The following BTG1 variants were observed in gnomAD, a reference collection of about 807,000 sequenced individuals.
BTG1 encodes BTG anti-proliferation factor 1.
In BTG1, 2 loss-of-function variants were observed where a neutral mutation model predicts 15.2. The observed-to-expected ratio is 0.13, with a 90% confidence interval of 0.05 to 0.41. The LOEUF is 0.41. BTG1 is among the 10% of genes least tolerant of loss of function. The pLI, the probability that BTG1 is intolerant of heterozygous loss-of-function variation, is 0.99. For synonymous variants in BTG1, 109 were observed against 82.4 expected, an observed-to-expected ratio of 1.32 and a Z score of -1.75; for missense variants, 149 against 215.0, an observed-to-expected ratio of 0.69 and a Z score of 1.92.
In BTG1 at chr12:92,141,377, T is replaced by C. The variant is rs1489833793; in HGVS notation, c.*2703A>G. ...TATCCTGCATGAACCAGGGTAACTC[T>C]TGCTATACAATCCACTTGAAGCCTT... On this transcript the variant is annotated 3_prime_UTR_variant, in exon 2 of 2. Coordinates refer to ENST00000256015, the MANE Select transcript of BTG1 (RefSeq NM_001731.3). 4.3e-6 allele frequency: 1 copy of C among 232,330 alleles called. No individual in the cohort carries two copies. The highest frequency in any genetic ancestry group is 8.5e-6 in the Non-Finnish European group (1 of 117,498). The allele number at this position is 232,330 out of a possible 1,614,324, so 14.4% of individuals were successfully genotyped here. A position where few individuals can be genotyped will look rare whatever the true frequency, so the allele number is the denominator to read the frequency against.
At position 92,145,771 on chromosome 12, in the gene BTG1, CCTCCCCAGCTGCCTCCGCCTCCAG is replaced by C. The variant is rs1258363479; in HGVS notation, c.-260_-237del. ...TGGCGGCCTGGTCACATCGCTCGGA[CCTCCCCAGCTGCCTCCGCCTCCAG>C]CTCCGCAGCATTCGAAGATCTCAAT... On this transcript the variant is annotated 5_prime_UTR_variant, in exon 1 of 2. Transcript: ENST00000256015. 2 of 286,798 alleles carry C rather than the reference CCTCCCCAGCTGCCTCCGCCTCCAG, an allele frequency of 7.0e-6. No individual in the cohort carries two copies. Among genetic ancestry groups the C allele is most frequent in the Non-Finnish European group, 1.3e-5 (2 of 155,206 alleles). 17.8% of individuals were successfully genotyped at this position (286,798 alleles called of 1,614,324 possible).
Position 92,140,515 on chromosome 12 carries a change from T to TC in BTG1, c.*3564dup, listed in dbSNP as rs1350376386. Reference sequence around the variant, plus strand: ...TCTATAGGGATAAAGAAAATAAAGATCTATAGGCATAACCAGAAATCAGAT... The same window carrying TC: ...TCTATAGGGATAAAGAAAATAAAGATCCTATAGGCATAACCAGAAATCAGAT... On this transcript the variant is annotated 3_prime_UTR_variant, in exon 2 of 2. Coordinates refer to ENST00000256015, the MANE Select transcript of BTG1 (RefSeq NM_001731.3). The TC allele has an allele frequency of 4.3e-6, 1 of 230,382 alleles. No individual in the cohort carries two copies. 14.3% of individuals were successfully genotyped at this position (230,382 alleles called of 1,614,324 possible). A position where few individuals can be genotyped will look rare whatever the true frequency, so the allele number is the denominator to read the frequency against.
chr12:92,142,983 A>C lies in BTG1; in HGVS notation c.*1097T>G, dbSNP rs77126965. 1.2e-3 allele frequency: 277 copies of C among 233,028 alleles called. 4 individuals are homozygous for C. Among genetic ancestry groups the C allele is most frequent in the African/African-American group, 5.5e-3 (248 of 45,450 alleles). 14.4% of individuals were successfully genotyped at this position (233,028 alleles called of 1,614,324 possible). The stretch of plus-strand genomic sequence containing the variant: ...CTCCTGTGTTTCCTGTAAAACCTAA[A>C]CATGTATATACAGAGCATCTTCATT... On this transcript the variant is annotated 3_prime_UTR_variant, in exon 2 of 2. Coordinates refer to ENST00000256015, the MANE Select transcript of BTG1 (RefSeq NM_001731.3).
chr12:92,145,666 C>G lies in BTG1; in HGVS notation c.-131G>C. 3 of 529,864 alleles carry G rather than the reference C, an allele frequency of 5.7e-6. No homozygotes were observed. The highest frequency in any genetic ancestry group is 8.7e-6 in the Non-Finnish European group (3 of 342,866). The allele number at this position is 529,864 out of a possible 1,614,324, so 32.8% of individuals were successfully genotyped here. ...AAGAGAGGGCGTGAGGGGCGGACGA[C>G]TACTTTTGTCTTTCTTTCTTTAGAC... On this transcript the variant is annotated 5_prime_UTR_variant, in exon 1 of 2. An upstream open reading frame in the 5' UTR loses its in-frame stop. Coordinates refer to ENST00000256015, the MANE Select transcript of BTG1 (RefSeq NM_001731.3).
At chr12:92,145,182 G>A in intron 1 of BTG1, 2 of 669,594 alleles carry the variant, frequency 3.0e-6, no homozygotes, top group Non-Finnish European at 4.3e-6. Context: ...TTGCCAGCTG[G>A]GGGGAAGGGG....
chr12:92,143,870 A>T lies in BTG1; in HGVS notation c.*210T>A. 1.8e-6 allele frequency: 1 copy of T among 550,640 alleles called. No homozygotes were observed. The highest frequency in any genetic ancestry group is 3.1e-6 in the Non-Finnish European group (1 of 325,856). The allele number at this position is 550,640 out of a possible 1,614,324, so 34.1% of individuals were successfully genotyped here. A position where few individuals can be genotyped will look rare whatever the true frequency, so the allele number is the denominator to read the frequency against. On this transcript the variant is annotated 3_prime_UTR_variant, in exon 2 of 2. Transcript: ENST00000256015. Reference sequence around the variant, plus strand: ...ATAAAGTGATCATTTACTTGGACTCACAGGCTATTAAAATTAATCATTGAA... The same window carrying T: ...ATAAAGTGATCATTTACTTGGACTCTCAGGCTATTAAAATTAATCATTGAA...
At chr12:92,145,142 T>G in intron 1 of BTG1, 1 of 417,422 alleles carries the variant, frequency 2.4e-6, no homozygotes. Context: ...TAAGTTTCTT[T>G]GTTGTGCGTG....
In BTG1 at chr12:92,142,631, G is replaced by A. The variant is rs570546936; in HGVS notation, c.*1449C>T. On this transcript the variant is annotated 3_prime_UTR_variant, in exon 2 of 2. Transcript: ENST00000256015. Reference sequence around the variant, plus strand: ...CCTTTTGTTGAATTCCAGCTTATGTGATTTTTATGTACATCTTGCAGGTGA... The same window carrying A: ...CCTTTTGTTGAATTCCAGCTTATGTAATTTTTATGTACATCTTGCAGGTGA... 8.6e-6 allele frequency: 2 copies of A among 232,932 alleles called. No individual in the cohort carries two copies. Among genetic ancestry groups the A allele is most frequent in the South Asian group, 3.6e-4 (2 of 5,514 alleles). 14.4% of individuals were successfully genotyped at this position (232,932 alleles called of 1,614,324 possible).
In BTG1 at chr12:92,144,460, A is replaced by G. The variant is rs769592002; in HGVS notation, c.149-13T>C. On this transcript the variant is annotated splice_polypyrimidine_tract_variant and intron_variant, in intron 1 of 1. Coordinates refer to ENST00000256015, the MANE Select transcript of BTG1 (RefSeq NM_001731.3). ...TGTTTATAATGTTCTATAGAAGAAA[A>G]GAAGAACAGAGAAACAACGCTTAGG... The G allele has an allele frequency of 2.5e-6, 4 of 1,610,148 alleles. No homozygotes were observed. In the African/African-American group the frequency reaches 5.4e-5, roughly 22 times the overall value.
Position 92,145,633 on chromosome 12 carries a change from C to G in BTG1, c.-98G>C, listed in dbSNP as rs960831335. On this transcript the variant is annotated 5_prime_UTR_variant, in exon 1 of 2. Transcript: ENST00000256015. ...CCGGGCTTCCTCACCGGGCGGAAGGCTGAGAGGAAGAGAGGGCGTGAGGGG... is the reference window on the plus strand; with the variant it reads ...CCGGGCTTCCTCACCGGGCGGAAGGGTGAGAGGAAGAGAGGGCGTGAGGGG... 1.6e-5 allele frequency: 14 copies of G among 894,578 alleles called. No individual in the cohort carries two copies. The highest frequency in any genetic ancestry group is 2.1e-5 in the Non-Finnish European group (14 of 670,122). 55.4% of individuals were successfully genotyped at this position (894,578 alleles called of 1,614,324 possible).
rs1405930339 is a variant in BTG1 at position 92,142,885 on chromosome 12, A to G, written c.*1195T>C. ...TTGGTAGATGCTACCGTGGTCTCTT[A>G]TCCTTATTTCATGAGATCATTAGCC... On this transcript the variant is annotated 3_prime_UTR_variant, in exon 2 of 2. Transcript: ENST00000256015. The G allele has an allele frequency of 4.3e-6, 1 of 232,952 alleles. No homozygotes were observed. The highest frequency in any genetic ancestry group is 8.5e-6 in the Non-Finnish European group (1 of 117,980). 14.4% of individuals were successfully genotyped at this position (232,952 alleles called of 1,614,324 possible).
chr12:92,144,489 G>T, intron 1 of BTG1, 42 bp from the exon 2 acceptor site: 1 of 1,597,368 alleles, frequency 6.3e-7, no homozygotes. Flanking sequence ...GCTTAGGATC[G>T]TTAGCTCCCA....
At position 92,143,429 on chromosome 12, in the gene BTG1, T is replaced by C. The variant is rs1047244120; in HGVS notation, c.*651A>G. 2 of 233,450 alleles carry C rather than the reference T, an allele frequency of 8.6e-6. No homozygotes were observed. The highest frequency in any genetic ancestry group is 1.7e-5 in the Non-Finnish European group (2 of 117,976). 14.5% of individuals were successfully genotyped at this position (233,450 alleles called of 1,614,324 possible). ...AGCAAATGTACAGAGAGCTGGCTGGTGCTAACACCACAGTTGAGACAGTGT... is the reference window on the plus strand; with the variant it reads ...AGCAAATGTACAGAGAGCTGGCTGGCGCTAACACCACAGTTGAGACAGTGT... On this transcript the variant is annotated 3_prime_UTR_variant, in exon 2 of 2. Transcript: ENST00000256015.
intron 1 of BTG1, 117 bp downstream of exon 1, chr12:92,145,271 G>A: frequency 1.5e-6 from 2 of 1,308,848 alleles, no homozygotes; most frequent in South Asian, 3.9e-5. Context: ...CGGTCCCGCG[G>A]CGGGGCCCAA....
rs1296880881 is a variant in BTG1, at chr12:92,140,311, T to C, written c.*3769A>G. On this transcript the variant is annotated 3_prime_UTR_variant, in exon 2 of 2. Coordinates refer to ENST00000256015, the MANE Select transcript of BTG1 (RefSeq NM_001731.3). ...CATTTTTTTATTCCTATCTTGGACATACTGAGCAATACGAAAAGTGATAAG... is the reference window on the plus strand; with the variant it reads ...CATTTTTTTATTCCTATCTTGGACACACTGAGCAATACGAAAAGTGATAAG... 1 of 200,210 alleles carries C rather than the reference T, an allele frequency of 5.0e-6. No homozygotes were observed. 12.4% of individuals were successfully genotyped at this position (200,210 alleles called of 1,614,324 possible).
At chr12:92,144,835 C>T (rs1286857378) in intron 1 of BTG1, among the ~76,000 whole-genome samples, 1 of 152,180 alleles carries the variant, frequency 6.6e-6, no homozygotes, top group African/African-American at 2.4e-5. Flanking sequence ...GACTGTTAAC[C>T]CCGAAGGGAA....
chr12:92,140,732 C>CAGAG lies in BTG1; in HGVS notation c.*3344_*3347dup, dbSNP rs948292102. 23 of 232,276 alleles carry CAGAG rather than the reference C, an allele frequency of 9.9e-5. No individual in the cohort carries two copies. The highest frequency in any genetic ancestry group is 1.3e-3 in the Middle Eastern group (1 of 778). The allele number at this position is 232,276 out of a possible 1,614,324, so 14.4% of individuals were successfully genotyped here. ...GCAGCCATATATAAAAGTTCAGTGG[C>CAGAG]AGAGACTGAGAGATAAGTCTAAAAT... On this transcript the variant is annotated 3_prime_UTR_variant, in exon 2 of 2. Coordinates refer to ENST00000256015, the MANE Select transcript of BTG1 (RefSeq NM_001731.3).
Position 92,141,244 on chromosome 12 carries a change from C to A in BTG1, c.*2836G>T. The A allele has an allele frequency of 4.3e-6, 1 of 232,504 alleles. No individual in the cohort carries two copies. Among genetic ancestry groups the A allele is most frequent in the Non-Finnish European group, 8.5e-6 (1 of 117,636 alleles). The allele number at this position is 232,504 out of a possible 1,614,324, so 14.4% of individuals were successfully genotyped here. A position where few individuals can be genotyped will look rare whatever the true frequency, so the allele number is the denominator to read the frequency against. ...TAAGGAAACTATTTGTGCAATGTAC[C>A]TGAAAGCCACTTTCTGGTGGCCTTT... On this transcript the variant is annotated 3_prime_UTR_variant, in exon 2 of 2. Coordinates refer to ENST00000256015, the MANE Select transcript of BTG1 (RefSeq NM_001731.3).
chr12:92,145,315 C>T, intron 1 of BTG1, 73 bp downstream of exon 1: 2 of 1,385,608 alleles, frequency 1.4e-6, no homozygotes, highest in Admixed American at 3.1e-5. Flanking sequence ...CCGAGGTTCC[C>T]GCAGCCCCGA....
Sources: gnomAD v4.1 joint callset for allele counts (sites outside exome capture counted in the v4.1 genomes callset) on GRCh38, gnomAD v4.1.1 for gene constraint, MANE v1.5 for transcripts, NCBI Gene and HGNC (gene_info 2026-07-23, HGNC 2026-07-21) for gene names.